Variants in METTL9 observed in about 807,000 individuals in gnomAD.
METTL9 encodes protein-L-histidine N-pros-methyltransferase.
METTL9 carries 10 observed loss-of-function variants against 36.0 expected under a neutral mutation model. The observed-to-expected ratio is 0.28, with a 90% CI of 0.17 to 0.47. METTL9 has a LOEUF of 0.47. Among genes scored for constraint, METTL9 ranks in the 20% least tolerant of loss-of-function variants. METTL9 has a pLI of 0.99. For missense variants in METTL9, 246 were observed against 383.5 expected (o/e 0.64, Z 3.00); for synonymous variants, 175 against 149.7 (o/e 1.17, Z -1.23).
chr16:21,615,405 T>C (rs532595460), intron 2 of METTL9, among the ~76,000 whole-genome samples: 13 of 152,206 alleles, frequency 8.5e-5, no homozygotes, highest in South Asian at 6.2e-4. Context: ...AATTTTTGTA[T>C]TTTTTATAGA....
chr16:21,611,468 TTG>T (rs1215573112), intron 1 of METTL9, among the ~76,000 whole-genome samples: 1 of 152,160 alleles, frequency 6.6e-6, no homozygotes, highest in African/African-American at 2.4e-5. Flanking sequence ...TGGGAAAAAT[TTG>T]TGTTTCATGG....
At chr16:21,636,827 G>A (rs898641550) in intron 4 of METTL9, among the ~76,000 whole-genome samples, 7 of 152,088 alleles carry the variant, frequency 4.6e-5, no homozygotes, top group East Asian at 1.9e-4. Flanking sequence ...TTTAGCCCCC[G>A]AACTCTAAGG....
At chr16:21,650,915 T>A (rs1966556225) in intron 4 of METTL9, among the ~76,000 whole-genome samples, 2 of 152,148 alleles carry the variant, frequency 1.3e-5, no homozygotes, top group Admixed American at 1.3e-4. Context: ...GAAAGATTAT[T>A]CTTATTATTT....
intron 4 of METTL9, chr16:21,639,630 G>T (rs1748771948): frequency 2.0e-5 from 3 of 152,078 alleles, no homozygotes; most frequent in East Asian, 1.9e-4. Context: ...TTGTTTTTGT[G>T]TATAAGGTAC....
At chr16:21,613,942 C>T (rs997582108) in intron 2 of METTL9, among the ~76,000 whole-genome samples, 2 of 151,376 alleles carry the variant, frequency 1.3e-5, no homozygotes, top group African/African-American at 4.9e-5. Flanking sequence ...TAAGAAGCCT[C>T]ATTGGACCAC....
upstream of METTL9, among the ~76,000 whole-genome samples, chr16:21,597,468 C>T (rs1476648824): frequency 6.6e-6 from 1 of 152,168 alleles, no homozygotes; most frequent in Non-Finnish European, 1.5e-5. Context: ...GCCAGCTGCT[C>T]AGATATAAAA....
intron 1 of METTL9, 123 bp from the exon 2 acceptor site, chr16:21,612,522 G>A: frequency 1.2e-6 from 1 of 861,424 alleles, no homozygotes; most frequent in South Asian, 2.3e-5. Context: ...AGAGTATCAT[G>A]AGATGGTAAT....
At chr16:21,641,299 A>AT (rs1966260691) in intron 4 of METTL9, 11 of 341,846 alleles carry the variant, frequency 3.2e-5, no homozygotes, top group Non-Finnish European at 4.8e-5. Context: ...TTAAAATAGA[A>AT]TTTTTTTTCT....
chr16:21,632,334 T>C (rs1965984217), intron 4 of METTL9, among the ~76,000 whole-genome samples: 1 of 152,240 alleles, frequency 6.6e-6, no homozygotes, highest in African/African-American at 2.4e-5. Context: ...TTATGCTAAC[T>C]GGGCACTGGT....
chr16:21,652,603 G>T (rs772745383), intron 4 of METTL9: 22 of 1,607,052 alleles, frequency 1.4e-5, no homozygotes, highest in Non-Finnish European at 1.8e-5. Flanking sequence ...CCCCATTTCT[G>T]TGTATGCCGG....
intron 3 of METTL9, among the ~76,000 whole-genome samples, chr16:21,622,889 GA>G (rs1366466673): frequency 1.3e-5 from 2 of 152,146 alleles, no homozygotes; most frequent in Non-Finnish European, 2.9e-5. Context: ...ATAGACATCA[GA>G]TTTTTTTTGT....
At chr16:21,644,464 G>GC (rs1356891806) in intron 4 of METTL9, 1 of 1,131,082 alleles carries the variant, frequency 8.8e-7, no homozygotes, top group Admixed American at 1.9e-5. Flanking sequence ...CATGTGTAAA[G>GC]TATCCTTCAC....
intron 4 of METTL9, among the ~76,000 whole-genome samples, chr16:21,645,357 G>A (rs1272614642): frequency 6.6e-6 from 1 of 152,136 alleles, no homozygotes; most frequent in Non-Finnish European, 1.5e-5. Context: ...GGAGGTTGAG[G>A]CAGGAGAATC....
chr16:21,650,195 G>A (rs953106055), intron 4 of METTL9, among the ~76,000 whole-genome samples: 38 of 152,074 alleles, frequency 2.5e-4, no homozygotes, highest in Admixed American at 4.6e-4. Flanking sequence ...GGGCAGCATT[G>A]TGAGATCCTG....
intron 4 of METTL9, among the ~76,000 whole-genome samples, chr16:21,630,102 C>G (rs1965914946): frequency 6.6e-6 from 1 of 152,246 alleles, no homozygotes; most frequent in South Asian, 2.1e-4. Flanking sequence ...AAACCTTTAG[C>G]TAGACAGAAA....
chr16:21,637,522 C>G (rs1276531209), intron 4 of METTL9, among the ~76,000 whole-genome samples: 1 of 152,258 alleles, frequency 6.6e-6, no homozygotes, highest in Non-Finnish European at 1.5e-5. Flanking sequence ...CCCCACCCGA[C>G]TCAGAAGCCC....
intron 3 of METTL9, among the ~76,000 whole-genome samples, chr16:21,622,468 C>T (rs1470888401): frequency 6.6e-6 from 1 of 152,098 alleles, no homozygotes; most frequent in Non-Finnish European, 1.5e-5. Flanking sequence ...ATATATTTTA[C>T]ATCCTTCTGG....
At chr16:21,643,426 G>C (rs1966330349) in intron 4 of METTL9, 2 of 680,712 alleles carry the variant, frequency 2.9e-6, no homozygotes, top group South Asian at 4.0e-5. Context: ...GCAGTTGAAA[G>C]TTACCTTGAT....
chr16:21,614,084 A>G (rs962807981), intron 2 of METTL9, among the ~76,000 whole-genome samples: 5 of 152,094 alleles, frequency 3.3e-5, no homozygotes, highest in African/African-American at 1.2e-4. Flanking sequence ...AAGATTTCTC[A>G]GTTGATTTTC....
Sources: gnomAD v4.1 joint callset for allele counts (sites outside exome capture counted in the v4.1 genomes callset) on GRCh38, gnomAD v4.1.1 for gene constraint, MANE v1.5 for transcripts, NCBI Gene and HGNC (gene_info 2026-07-23, HGNC 2026-07-21) for gene names.